The following ZNF404 variants were observed in gnomAD, a reference collection of about 807,000 sequenced individuals.
ZNF404 encodes the protein zinc finger protein 404.
In ZNF404, 7 loss-of-function variants were observed where a neutral mutation model predicts 7.3. The observed-to-expected ratio is 0.95, with a 90% CI of 0.54 to 1.79. The LOEUF is 1.79. ZNF404 is among the 40% of genes most tolerant of loss of function. ZNF404 has a pLI of 0.00. For synonymous variants in ZNF404, 191 were observed against 209.9 expected, an observed-to-expected ratio of 0.91 and a Z score of 0.78; for missense variants, 560 against 661.5, an observed-to-expected ratio of 0.85 and a Z score of 1.68.
At position 43,880,037 on chromosome 19, in the gene ZNF404, C is replaced by T. The variant is rs780743166; in HGVS notation, c.109G>A (p.Glu37Lys). ...QRDLYRDVML[E>K]NYTNLVSLDF... ...AATGAGACCAAGTTAGTATAATTCTCCAACATCACATCTCTGTACAAATCC... is the reference window on the plus strand; with the variant it reads ...AATGAGACCAAGTTAGTATAATTCTTCAACATCACATCTCTGTACAAATCC... Residue 37 changes from glutamate to lysine, a missense_variant, in exon 2 of 3, where the codon GAG (glutamate) becomes AAG (lysine). Transcript: ENST00000587539. The T allele has an allele frequency of 8.1e-5, 130 of 1,613,654 alleles. No homozygotes were observed. The highest frequency in any genetic ancestry group is 1.1e-4 in the Non-Finnish European group (130 of 1,179,746).
chr19:43,882,785 C>T (rs753191045), intron 1 of ZNF404, among the ~76,000 whole-genome samples: 37 of 144,636 alleles, frequency 2.6e-4, no homozygotes, highest in Non-Finnish European at 4.6e-4. Flanking sequence ...AGCAAGACCC[C>T]ATCTCTAAAA....
intron 1 of ZNF404, 93 bp from the exon 2 acceptor site, chr19:43,880,229 G>A: frequency 5.3e-6 from 6 of 1,136,260 alleles, no homozygotes; most frequent in Non-Finnish European, 7.5e-6. Flanking sequence ...TATGTAAAAA[G>A]AAGTAGTCTA....
Position 43,873,447 on chromosome 19 carries a change from C to T in ZNF404, c.767G>A (p.Arg256Gln), listed in dbSNP as rs533684492. 39 of 1,613,462 alleles carry T rather than the reference C, an allele frequency of 2.4e-5. No individual in the cohort carries two copies. The African/African-American group carries it at 2.9e-4, about 12-fold the overall frequency. Reference sequence around the variant, plus strand: ...AATTTTCTGATGCAGACACATATGTCGATATAATCTAAACGTTTCCCCACA... The same window carrying T: ...AATTTTCTGATGCAGACACATATGTTGATATAATCTAAACGTTTCCCCACA... ...KECGETFRLYRHMCLHQKIHH... is the reference protein window; with the variant it reads ...KECGETFRLYQHMCLHQKIHH... Residue 256 changes from arginine to glutamine, a missense_variant, in exon 3 of 3, where the codon CGA becomes CAA. Transcript: ENST00000587539.
chr19:43,874,384 G>A (rs949512837), intron 2 of ZNF404, among the ~76,000 whole-genome samples: 1 of 152,006 alleles, frequency 6.6e-6, no homozygotes, highest in African/African-American at 2.4e-5. Flanking sequence ...TATCCACTCA[G>A]ACTGAGTGGA....
At chr19:43,882,505 A>C (rs1445517970) in intron 1 of ZNF404, among the ~76,000 whole-genome samples, 3 of 152,180 alleles carry the variant, frequency 2.0e-5, no homozygotes, top group Non-Finnish European at 4.4e-5. Context: ...ATCTGTAAAG[A>C]AAAGAAAAAG....
At chr19:43,883,240 C>T (rs1971911440) in intron 1 of ZNF404, among the ~76,000 whole-genome samples, 1 of 151,930 alleles carries the variant, frequency 6.6e-6, no homozygotes, top group Non-Finnish European at 1.5e-5. Context: ...ACACAAATTC[C>T]AACCTCTTCC....
chr19:43,874,405 C>CAGGAGT (rs1971837393), intron 2 of ZNF404, among the ~76,000 whole-genome samples: 1 of 152,000 alleles, frequency 6.6e-6, no homozygotes, highest in South Asian at 2.1e-4. Flanking sequence ...TCAGAATGCA[C>CAGGAGT]AGGAGTATGT....
At chr19:43,874,197 A>G in intron 2 of ZNF404, 120 bp from the exon 3 acceptor site, 1 of 766,364 alleles carries the variant, frequency 1.3e-6, no homozygotes. Flanking sequence ...AAAAGAGTTT[A>G]GAAAATTCTA....
chr19:43,878,563 G>A (rs985484325), intron 2 of ZNF404, among the ~76,000 whole-genome samples: 4 of 152,092 alleles, frequency 2.6e-5, no homozygotes, highest in Admixed American at 2.6e-4. Context: ...CTACCCTGGA[G>A]GCTCTGGCTG....
chr19:43,872,492 C>T lies in ZNF404; in HGVS notation c.*63G>A. On this transcript the variant is annotated 3_prime_UTR_variant, in exon 3 of 3. Coordinates refer to ENST00000587539, the MANE Select transcript of ZNF404 (RefSeq NM_001033719.3). The surrounding 1 kb of genome is among the most constrained non-coding windows in gnomAD (Gnocchi z 4.4). ...ATTCTATATTAACTAGTTTAATCTT[C>T]ACTATAGCATCATAATAGTGACAAC... 1.5e-6 allele frequency: 2 copies of T among 1,332,738 alleles called. No individual in the cohort carries two copies. The allele number at this position is 1,332,738 out of a possible 1,614,324, so 82.6% of individuals were successfully genotyped here. A position where few individuals can be genotyped will look rare whatever the true frequency, so the allele number is the denominator to read the frequency against.
At chr19:43,883,522 T>A (rs975174948) in intron 1 of ZNF404, among the ~76,000 whole-genome samples, 2 of 152,156 alleles carry the variant, frequency 1.3e-5, no homozygotes, top group Non-Finnish European at 2.9e-5. Flanking sequence ...AAAGTTGAGA[T>A]CTCATCTCAA....
chr19:43,873,488 G>A lies in ZNF404; in HGVS notation c.726C>T (p.Pro242=), dbSNP rs374757295. The stretch of plus-strand genomic sequence containing the variant: ...TTTCCCCACATTCCTTACATTCAAA[G>A]GGTTTCAAGCCAACATGAATTTTCT... The part of the protein sequence containing the change: ...EHQKIHVGLK[P]FECKECGETF... Residue 242 remains proline, a synonymous_variant, in exon 3 of 3, where the codon CCC becomes CCT. Transcript: ENST00000587539. 1.2e-5 allele frequency: 20 copies of A among 1,613,384 alleles called. No individual in the cohort carries two copies. The African/African-American group carries it at 2.7e-4, about 22-fold the overall frequency.
rs1971826782 is a variant in ZNF404 at position 43,873,389 on chromosome 19, T to A, written c.825A>T (p.Glu275Asp). 6.2e-7 allele frequency: 1 copy of A among 1,613,430 alleles called. No homozygotes were observed. The highest frequency in any genetic ancestry group is 8.5e-7 in the Non-Finnish European group (1 of 1,179,598). Residue 275 changes from glutamate to aspartate, a missense_variant, in exon 3 of 3, where the codon GAA becomes GAT. Glu to Asp is a conservative substitution (Grantham distance 45). Transcript: ENST00000587539. ...HHGVKPYKCK[E>D]CGKAFGHRSS... ...AACGATGACCAAAAGCCTTTCCACA[T>A]TCTTTACATTTGTAGGGTTTCACAC...
chr19:43,883,870 G>T, intron 1 of ZNF404, 86 bp downstream of exon 1: 1 of 1,408,150 alleles, frequency 7.1e-7, no homozygotes, highest in South Asian at 1.2e-5. Context: ...TTCTGAGATA[G>T]GAGGTTTCAG....
At chr19:43,876,283 T>C (rs750155788) in intron 2 of ZNF404, among the ~76,000 whole-genome samples, 10 of 152,020 alleles carry the variant, frequency 6.6e-5, no homozygotes, top group Non-Finnish European at 1.3e-4. Context: ...CACTGTACTC[T>C]AGCCTGGGCG....
intron 2 of ZNF404, among the ~76,000 whole-genome samples, chr19:43,877,335 ATTAG>A (rs761913155): frequency 5.3e-5 from 8 of 152,170 alleles, no homozygotes; most frequent in Non-Finnish European, 1.0e-4. Context: ...GCTGGTCACA[ATTAG>A]TTAGCTCCCT....
chr19:43,882,791 TAAAA>T (rs529329255), intron 1 of ZNF404, among the ~76,000 whole-genome samples: 4 of 120,750 alleles, frequency 3.3e-5, no homozygotes, highest in African/African-American at 1.2e-4. Flanking sequence ...ACCCCATCTC[TAAAA>T]AAAAAAAAAA....
chr19:43,882,915 A>C (rs1304407207), intron 1 of ZNF404, among the ~76,000 whole-genome samples: 1 of 152,148 alleles, frequency 6.6e-6, no homozygotes, highest in African/African-American at 2.4e-5. Flanking sequence ...AGCCTGGCCA[A>C]CATGGTGAAA....
chr19:43,883,193 T>C (rs1042025593), intron 1 of ZNF404, among the ~76,000 whole-genome samples: 1 of 152,174 alleles, frequency 6.6e-6, no homozygotes, highest in African/African-American at 2.4e-5. Flanking sequence ...ATAATATTAT[T>C]GTATAAAGAA....
Sources: allele counts gnomAD v4.1 joint callset (sites outside exome capture counted in the v4.1 genomes callset), GRCh38; gene constraint gnomAD v4.1.1; non-coding constraint Gnocchi (gnomAD v3.1); transcripts MANE v1.5; gene names NCBI Gene and HGNC (gene_info 2026-07-23, HGNC 2026-07-21).